The following OR4F15 variants were observed in gnomAD, a reference collection of about 807,000 sequenced individuals.
OR4F15 encodes olfactory receptor family 4 subfamily F member 15.
In OR4F15, 7 loss-of-function variants were observed where a neutral mutation model predicts 11.9. The ratio of observed to expected loss-of-function variants is 0.59; its 90% CI spans 0.33 to 1.10. OR4F15 has a LOEUF of 1.10. Among genes scored for constraint, OR4F15 ranks in the 50% least tolerant of loss-of-function variants. The probability of loss-of-function intolerance (pLI) is 0.03; values close to 1 mark genes in which losing one functional copy is unlikely to be tolerated. For missense variants in OR4F15, 445 were observed against 377.5 expected (o/e 1.18, Z -1.48); for synonymous variants, 151 against 134.6 (o/e 1.12, Z -0.84).
chr15:101,818,312 C>T lies in OR4F15; in HGVS notation c.126C>T (p.Asn42=). ...TCTACTTTGCGAGCATGATGGGAAA[C>T]CTTGTCATTGTATTCACTGTAACCA... The part of the protein sequence containing the change: ...LLFYFASMMG[N]LVIVFTVTMD... Residue 42 remains asparagine, a synonymous_variant, in exon 2 of 2, where the codon AAC becomes AAT. Transcript: ENST00000332238. The T allele has an allele frequency of 6.2e-7, 1 of 1,614,008 alleles. No individual in the cohort carries two copies. The highest frequency in any genetic ancestry group is 8.5e-7 in the Non-Finnish European group (1 of 1,179,920).
chr15:101,820,101 A>T lies in OR4F15; in HGVS notation c.*976A>T, dbSNP rs916675810. The T allele has an allele frequency of 4.6e-5, 7 of 152,154 alleles. No individual in the cohort carries two copies. The highest frequency in any genetic ancestry group is 1.4e-4 in the African/African-American group (6 of 41,438). 9.4% of individuals were successfully genotyped at this position (152,154 alleles called of 1,614,324 possible). A position where few individuals can be genotyped will look rare whatever the true frequency, so the allele number is the denominator to read the frequency against. On this transcript the variant is annotated 3_prime_UTR_variant, in exon 2 of 2. Transcript: ENST00000332238. Reference sequence around the variant, plus strand: ...CATCAAAGAGAGCCAGGCACCAGAAACCATGACTCTGATTGCTAGGTCAGT... The same window carrying T: ...CATCAAAGAGAGCCAGGCACCAGAATCCATGACTCTGATTGCTAGGTCAGT...
chr15:101,812,606 T>C (rs981901287), intron 1 of OR4F15, among the ~76,000 whole-genome samples: 1 of 152,216 alleles, frequency 6.6e-6, no homozygotes, highest in Non-Finnish European at 1.5e-5. Flanking sequence ...TTACTTCTAT[T>C]TCTAGAGAAG....
chr15:101,815,986 C>A (rs895574275), intron 1 of OR4F15, among the ~76,000 whole-genome samples: 3 of 152,114 alleles, frequency 2.0e-5, no homozygotes, highest in Admixed American at 6.5e-5. Context: ...AATATCTCTT[C>A]CACCTTCCTG....
intron 1 of OR4F15, 123 bp from the exon 2 acceptor site, chr15:101,818,027 T>C (rs983668760): frequency 9.9e-6 from 6 of 604,598 alleles, no homozygotes; most frequent in Non-Finnish European, 1.7e-5. Context: ...AGGGTGCATG[T>C]GATGAGGGTT....
At chr15:101,817,597 A>G (rs1308505482) in intron 1 of OR4F15, among the ~76,000 whole-genome samples, 1 of 152,182 alleles carries the variant, frequency 6.6e-6, no homozygotes, top group Non-Finnish European at 1.5e-5. Context: ...CATTGGGAAG[A>G]TTTCACACAT....
Position 101,819,527 on chromosome 15 carries a change from G to A in OR4F15, c.*402G>A, listed in dbSNP as rs1192116604. The A allele has an allele frequency of 6.3e-6, 1 of 159,576 alleles. No homozygotes were observed. The highest frequency in any genetic ancestry group is 2.4e-5 in the African/African-American group (1 of 41,332). The allele number at this position is 159,576 out of a possible 1,614,324, so 9.9% of individuals were successfully genotyped here. ...TTTAGTTAGTTAGTTACTTATTTGA[G>A]TTGGAGTCTCGCTCTGTCACCCAGG... On this transcript the variant is annotated 3_prime_UTR_variant, in exon 2 of 2. Coordinates refer to ENST00000332238, the MANE Select transcript of OR4F15 (RefSeq NM_001001674.2).
rs1903038981 is a variant in OR4F15 at position 101,818,493 on chromosome 15, T to C, written c.307T>C (p.Phe103Leu). 2 of 1,614,056 alleles carry C rather than the reference T, an allele frequency of 1.2e-6. No homozygotes were observed. The highest frequency in any genetic ancestry group is 2.2e-5 in the East Asian group (1 of 44,892). ...TCGGGGATGTATTACTCAGATCTTC[T>C]TTAGCCATGCTCTTGGGGGCACTGA... Reference protein sequence around the residue: ...SFRGCITQIFFSHALGGTEMV... With the variant: ...SFRGCITQIFLSHALGGTEMV... The change falls in exon 2 of 2, where the codon TTT (phenylalanine) becomes CTT (leucine). Residue 103 changes from phenylalanine to leucine, a missense_variant. Coordinates refer to ENST00000332238, the MANE Select transcript of OR4F15 (RefSeq NM_001001674.2).
intron 1 of OR4F15, 117 bp from the exon 2 acceptor site, chr15:101,818,033 G>A (rs1380216005): frequency 1.6e-6 from 1 of 619,876 alleles, no homozygotes; most frequent in African/African-American, 1.8e-5. Context: ...CATGTGATGA[G>A]GGTTATTTGG....
chr15:101,818,865 A>G lies in OR4F15; in HGVS notation c.679A>G (p.Lys227Glu). 1 of 1,614,016 alleles carries G rather than the reference A, an allele frequency of 6.2e-7. No homozygotes were observed. Among genetic ancestry groups the G allele is most frequent in the South Asian group, 1.1e-5 (1 of 91,064 alleles). The change falls in exon 2 of 2, where the codon AAA becomes GAA. Residue 227 changes from lysine (K) to glutamate (E), a missense_variant. By Grantham distance (56) the Lys-to-Glu change is moderately conservative. Coordinates refer to ENST00000332238, the MANE Select transcript of OR4F15 (RefSeq NM_001001674.2). ...CATCTTCATTCTGTTCACTGTTTGG[A>G]AACATTCTTCTGGTGGTCTAGCCAA... is the stretch of plus-strand genomic sequence containing the variant. The part of the protein sequence containing the change: ...SYIFILFTVW[K>E]HSSGGLAKAL...
In OR4F15 at chr15:101,817,436, G is replaced by A. The variant is rs369628065; in HGVS notation, c.-37-714G>A. Among the ~76,000 whole-genome samples, 26 of 152,326 alleles carry A rather than the reference G, an allele frequency of 1.7e-4. No homozygotes were observed. The East Asian group carries it at 4.1e-3, about 24-fold the overall frequency. ...ATTGTGTTGGTCACAAGTGGTGATT[G>A]TGATGATGGTGGGAGCTACCGTTGT... On this transcript the variant is annotated intron_variant, in intron 1 of 1. Transcript: ENST00000332238.
At chr15:101,814,992 T>G (rs945419242) in intron 1 of OR4F15, among the ~76,000 whole-genome samples, 5 of 152,174 alleles carry the variant, frequency 3.3e-5, no homozygotes, top group Non-Finnish European at 7.4e-5. Flanking sequence ...TATTCCTACT[T>G]CATGGAAGCC....
intron 1 of OR4F15, among the ~76,000 whole-genome samples, chr15:101,814,338 C>A (rs534739115): frequency 8.5e-5 from 13 of 152,280 alleles, no homozygotes; most frequent in African/African-American, 3.1e-4. Context: ...AAAAATGGAT[C>A]ACTTATTTCT....
At chr15:101,813,777 A>T (rs1289232717) in intron 1 of OR4F15, among the ~76,000 whole-genome samples, 1 of 152,216 alleles carries the variant, frequency 6.6e-6, no homozygotes, top group South Asian at 2.1e-4. Context: ...AGTTAGGTGA[A>T]TTTAAATTTA....
At chr15:101,813,334 C>A (rs1325155291) in intron 1 of OR4F15, among the ~76,000 whole-genome samples, 1 of 151,954 alleles carries the variant, frequency 6.6e-6, no homozygotes, top group Non-Finnish European at 1.5e-5. Flanking sequence ...CATGGTGAAA[C>A]CTCATCTCTA....
At position 101,818,903 on chromosome 15, in the gene OR4F15, C is replaced by G; in HGVS notation, c.717C>G (p.Thr239=). 5.6e-6 allele frequency: 9 copies of G among 1,614,120 alleles called. No homozygotes were observed. The highest frequency in any genetic ancestry group is 7.6e-6 in the Non-Finnish European group (9 of 1,180,010). The part of the protein sequence containing the change: ...SSGGLAKALS[T]LSAHVTVVIL... ...GTGGTCTAGCCAAGGCCCTCTCTAC[C>G]CTGTCAGCTCATGTCACTGTGGTCA... Residue 239 remains threonine, a synonymous_variant, in exon 2 of 2, where the codon ACC becomes ACG. Transcript: ENST00000332238.
At chr15:101,813,496 G>C (rs1361091587) in intron 1 of OR4F15, among the ~76,000 whole-genome samples, 2 of 133,234 alleles carry the variant, frequency 1.5e-5, no homozygotes, top group Non-Finnish European at 3.2e-5. Flanking sequence ...GTGACAGAGT[G>C]AGAATCTGTC....
In OR4F15 at chr15:101,818,244, T is replaced by C. The variant is rs760623880; in HGVS notation, c.58T>C (p.Ser20Pro). The part of the protein sequence containing the change: ...SEFVFMGLTN[S>P]REIQLLLFVF... ...ATTTGTATTCATGGGACTCACCAAC[T>C]CACGGGAGATTCAGCTTCTACTTTT... Residue 20 changes from serine (S) to proline (P), a missense_variant, in exon 2 of 2, where the codon TCA becomes CCA. Coordinates refer to ENST00000332238, the MANE Select transcript of OR4F15 (RefSeq NM_001001674.2). 5 of 1,613,892 alleles carry C rather than the reference T, an allele frequency of 3.1e-6. No homozygotes were observed. The highest frequency in any genetic ancestry group is 1.7e-5 in the Admixed American group (1 of 59,994).
chr15:101,816,259 T>C (rs1187086509), intron 1 of OR4F15, among the ~76,000 whole-genome samples: 3 of 151,992 alleles, frequency 2.0e-5, no homozygotes, highest in Non-Finnish European at 4.4e-5. Context: ...ATGACAGAAG[T>C]TGAGGTTGGA....
chr15:101,819,139 C>G lies in OR4F15; in HGVS notation c.*14C>G. 1 of 1,542,772 alleles carries G rather than the reference C, an allele frequency of 6.5e-7. No homozygotes were observed. The highest frequency in any genetic ancestry group is 8.8e-7 in the Non-Finnish European group (1 of 1,132,750). On this transcript the variant is annotated 3_prime_UTR_variant, in exon 2 of 2. Coordinates refer to ENST00000332238, the MANE Select transcript of OR4F15 (RefSeq NM_001001674.2). ...AAGATTTTGTAAATGGCTTGGCTGTCAAGATGTGTAACTATGGATTACTCC... is the reference window on the plus strand; with the variant it reads ...AAGATTTTGTAAATGGCTTGGCTGTGAAGATGTGTAACTATGGATTACTCC...
Sources: allele counts gnomAD v4.1 joint callset (sites outside exome capture counted in the v4.1 genomes callset), GRCh38; gene constraint gnomAD v4.1.1; transcripts MANE v1.5; gene names NCBI Gene and HGNC (gene_info 2026-07-23, HGNC 2026-07-21).